NFAT5: variants seen among roughly 807,000 people sequenced by gnomAD.
NFAT5 encodes nuclear factor of activated T cells 5.
Under a neutral mutation model 166.5 loss-of-function variants are expected in NFAT5, and 31 were observed. That is an observed-to-expected ratio of 0.19 (90% confidence interval 0.14 to 0.25). The LOEUF is 0.25. NFAT5 is among the 10% of genes least tolerant of loss of function. NFAT5 has a pLI of 1.00. For synonymous variants in NFAT5, 612 were observed against 639.7 expected, an observed-to-expected ratio of 0.96 and a Z score of 0.65; for missense variants, 1,449 against 1,821.8, an observed-to-expected ratio of 0.80 and a Z score of 3.72.
At chr16:69,615,661 G>A (rs375119549) in intron 2 of NFAT5, among the ~76,000 whole-genome samples, 4 of 152,088 alleles carry the variant, frequency 2.6e-5, no homozygotes, top group South Asian at 2.1e-4. Context: ...ATGCAATACC[G>A]TAGGGTTCCT....
At chr16:69,625,467 C>T (rs1442268630) in intron 2 of NFAT5, among the ~76,000 whole-genome samples, 1 of 151,198 alleles carries the variant, frequency 6.6e-6, no homozygotes, top group Non-Finnish European at 1.5e-5. Context: ...TTTCCTTTAC[C>T]TTTGCCTTTC....
Position 69,693,276 on chromosome 16 carries a change from C to G in NFAT5, c.3451C>G (p.Gln1151Glu). The part of the protein sequence containing the change: ...IAVLQGSSVP[Q>E]DQQSTNIFLS... Reference sequence around the variant, plus strand: ...TGTGTTACAGGGCTCTTCAGTTCCTCAAGACCAGCAGTCAACCAACATATT... The same window carrying G: ...TGTGTTACAGGGCTCTTCAGTTCCTGAAGACCAGCAGTCAACCAACATATT... Residue 1151 changes from glutamine to glutamate, a missense_variant, in exon 13 of 15, where the codon CAA becomes GAA. By Grantham distance (29) the Gln-to-Glu change is conservative. This residue lies in a region of NFAT5 where 891 missense variants were observed against 993.0 expected (regional missense o/e 0.90). Coordinates refer to ENST00000349945, the MANE Select transcript of NFAT5 (RefSeq NM_138713.4). The G allele has an allele frequency of 6.2e-7, 1 of 1,614,166 alleles. No individual in the cohort carries two copies. Among genetic ancestry groups the G allele is most frequent in the Non-Finnish European group, 8.5e-7 (1 of 1,180,004 alleles).
At chr16:69,690,903 A>G (rs768347899) in intron 11 of NFAT5, 37 bp from the exon 12 acceptor site, 3 of 1,437,260 alleles carry the variant, frequency 2.1e-6, no homozygotes, top group Non-Finnish European at 2.8e-6. Context: ...AAATTTTGTG[A>G]TTTTAAACTT....
At chr16:69,640,173 G>A (rs1199398894) in intron 3 of NFAT5, among the ~76,000 whole-genome samples, 2 of 152,130 alleles carry the variant, frequency 1.3e-5, no homozygotes, top group East Asian at 1.9e-4. Context: ...GCATCGTGTG[G>A]TGGGTTGTGT....
chr16:69,696,267 A>G (rs1277441342), intron 14 of NFAT5, 93 bp from the exon 15 acceptor site: 1 of 152,232 alleles, frequency 6.6e-6, no homozygotes, highest in South Asian at 2.1e-4. Flanking sequence ...TACTTACAGT[A>G]CCATAATATA....
At chr16:69,633,605 CAT>C (rs2034815104) in intron 3 of NFAT5, among the ~76,000 whole-genome samples, 1 of 152,052 alleles carries the variant, frequency 6.6e-6, no homozygotes, top group Non-Finnish European at 1.5e-5. Flanking sequence ...TGTTCTCACT[CAT>C]ATGTGAAAGC....
At chr16:69,629,768 ATTTTTTTTTTT>A (rs761809860) in intron 3 of NFAT5, among the ~76,000 whole-genome samples, 1 of 111,744 alleles carries the variant, frequency 8.9e-6, no homozygotes, top group Admixed American at 1.1e-4. Context: ...CACTGGGCTA[ATTTTTTTTTTT>A]TTTTTTTTTT....
At chr16:69,626,578 C>A in intron 3 of NFAT5, 50 bp downstream of exon 3, 3 of 1,437,274 alleles carry the variant, frequency 2.1e-6, no homozygotes, top group Non-Finnish European at 2.8e-6. Context: ...CAATATAAAT[C>A]TGGCCAACAT....
In NFAT5 at chr16:69,653,380, C is replaced by T; in HGVS notation, c.957C>T (p.Ser319=). The change falls in exon 5 of 15, where the codon AGC becomes AGT. Residue 319 remains serine (S), a synonymous_variant. Transcript: ENST00000349945. The part of the protein sequence containing the change: ...QHRARYLTEG[S]RGSVKDRTQQ... ...GAGCTCGGTACCTGACTGAGGGCAG[C>T]CGTGGCTCAGTGAAAGATAGAACAC... The T allele has an allele frequency of 1.2e-6, 2 of 1,605,696 alleles. No individual in the cohort carries two copies. Among genetic ancestry groups the T allele is most frequent in the South Asian group, 1.1e-5 (1 of 89,332 alleles).
chr16:69,653,285 T>C lies in NFAT5; in HGVS notation c.862T>C (p.Cys288Arg). ...TGGAGTAAAGAAGAGCCCTATGTTG[T>C]GTGGACAATATCCTGTTAAAAGTGA... ...GTGVKKSPML[C>R]GQYPVKSEGK... Residue 288 changes from cysteine to arginine, a missense_variant, in exon 5 of 15, where the codon TGT (cysteine) becomes CGT (arginine). Transcript: ENST00000349945. 2 of 1,610,516 alleles carry C rather than the reference T, an allele frequency of 1.2e-6. No homozygotes were observed. Among genetic ancestry groups the C allele is most frequent in the Non-Finnish European group, 1.7e-6 (2 of 1,179,076 alleles).
chr16:69,576,031 G>A (rs771312701), intron 2 of NFAT5, among the ~76,000 whole-genome samples: 1 of 151,826 alleles, frequency 6.6e-6, no homozygotes, highest in African/African-American at 2.4e-5. Flanking sequence ...GGCCGGGCTC[G>A]GTGGCTCACG....
At chr16:69,674,364 T>C (rs1419178613) in intron 9 of NFAT5, among the ~76,000 whole-genome samples, 1 of 152,078 alleles carries the variant, frequency 6.6e-6, no homozygotes, top group East Asian at 1.9e-4. Context: ...CTCATGCTCA[T>C]GTATACCAAA....
chr16:69,589,164 T>C (rs2032305161), intron 2 of NFAT5, among the ~76,000 whole-genome samples: 1 of 151,704 alleles, frequency 6.6e-6, no homozygotes, highest in Admixed American at 6.6e-5. Context: ...CCGGCTAATT[T>C]TGTATTTTTA....
At chr16:69,652,302 A>G (rs1432875072) in intron 4 of NFAT5, among the ~76,000 whole-genome samples, 1 of 152,094 alleles carries the variant, frequency 6.6e-6, no homozygotes, top group Non-Finnish European at 1.5e-5. Context: ...AAATATAAAA[A>G]TTAGCTGGGC....
At chr16:69,575,399 C>T (rs891300675) in intron 2 of NFAT5, among the ~76,000 whole-genome samples, 5 of 152,066 alleles carry the variant, frequency 3.3e-5, no homozygotes, top group African/African-American at 1.2e-4. Context: ...AATTCCTGAC[C>T]TCAGGTGATC....
At position 69,692,396 on chromosome 16, in the gene NFAT5, T is replaced by G; in HGVS notation, c.2571T>G (p.Ser857Arg). 1 of 1,614,128 alleles carries G rather than the reference T, an allele frequency of 6.2e-7. No homozygotes were observed. The highest frequency in any genetic ancestry group is 1.1e-5 in the South Asian group (1 of 91,072). Residue 857 changes from serine (S) to arginine (R), a missense_variant, in exon 13 of 15, where the codon AGT (serine) becomes AGG (arginine). By Grantham distance (110) the Ser-to-Arg change is moderately radical. Around this residue, in one of 7 missense-constraint regions of NFAT5, gnomAD observed 891 missense variants for 993.0 expected, o/e 0.90. Transcript: ENST00000349945. ...DIFQQVSQIQ[S>R]GVSPGMFSST... ...TTCAACAAGTCAGTCAAATTCAGAG[T>G]GGTGTAAGCCCTGGAATGTTTTCCT...
chr16:69,609,967 C>T (rs1283616255), intron 2 of NFAT5, among the ~76,000 whole-genome samples: 1 of 151,856 alleles, frequency 6.6e-6, no homozygotes, highest in Non-Finnish European at 1.5e-5. Context: ...GATTGTGCCA[C>T]CGCACTCCAA....
rs60312104 is a variant in NFAT5, at chr16:69,689,389, A to G, written c.1775-1551A>G. On this transcript the variant is annotated intron_variant, in intron 11 of 14. Coordinates refer to ENST00000349945, the MANE Select transcript of NFAT5 (RefSeq NM_138713.4). ...AAATGATTCATTTCTCAAACTACTT[A>G]GGTAGAATAATAAAACATGGAATGT... Among the ~76,000 whole-genome samples the G allele has an allele frequency of 2.3e-3, 356 of 152,358 alleles. 5 individuals carry two copies. Among genetic ancestry groups the G allele is most frequent in the African/African-American group, 7.9e-3 (329 of 41,578 alleles).
At chr16:69,626,210 C>G (rs1165616853) in intron 2 of NFAT5, among the ~76,000 whole-genome samples, 193 bp from the exon 3 acceptor site, 1 of 152,078 alleles carries the variant, frequency 6.6e-6, no homozygotes, top group Non-Finnish European at 1.5e-5. Flanking sequence ...ACCTTGGCTT[C>G]CCAAAGTCAT....
Sources: gnomAD v4.1 joint callset for allele counts (sites outside exome capture counted in the v4.1 genomes callset) on GRCh38, gnomAD v4.1.1 for gene constraint, gnomAD v4.1.1 regional missense constraint, MANE v1.5 for transcripts, NCBI Gene and HGNC (gene_info 2026-07-23, HGNC 2026-07-21) for gene names.